The following DAB1 variants were observed in gnomAD, a reference collection of about 807,000 sequenced individuals.
DAB1 encodes DAB adaptor protein 1.
A neutral mutation model predicts 64.6 loss-of-function variants in DAB1; 15 were observed. That is an observed-to-expected ratio of 0.23 (90% CI 0.16 to 0.36). The LOEUF is 0.36. Ranked by LOEUF, DAB1 falls within the 10% of genes least tolerant of loss-of-function variation. The probability of loss-of-function intolerance (pLI) is 1.00; values close to 1 mark genes in which losing one functional copy is unlikely to be tolerated. For missense variants in DAB1, 596 were observed against 706.7 expected (o/e 0.84, Z 1.78); for synonymous variants, 235 against 251.9 (o/e 0.93, Z 0.64).
intron 4 of DAB1, among the ~76,000 whole-genome samples, chr1:57,093,880 G>A (rs957922425): frequency 9.2e-5 from 14 of 152,230 alleles, no homozygotes; most frequent in African/African-American, 1.2e-4. Context: ...TTGGGAGGCC[G>A]AGGTGGGCCA....
intron 7 of DAB1, among the ~76,000 whole-genome samples, chr1:57,637,537 A>C (rs1646071978): frequency 6.6e-6 from 1 of 152,196 alleles, no homozygotes; most frequent in South Asian, 2.1e-4. Flanking sequence ...CTGAAAGCAC[A>C]GCTTGGTATG....
At chr1:57,731,466 A>G (rs1049974659) in intron 6 of DAB1, among the ~76,000 whole-genome samples, 3 of 152,220 alleles carry the variant, frequency 2.0e-5, no homozygotes, top group African/African-American at 7.2e-5. Context: ...ATGTTGTTTT[A>G]TGCTATGTAT....
At chr1:58,504,985 C>T (rs557479354) in intron 3 of DAB1, among the ~76,000 whole-genome samples, 77 of 151,962 alleles carry the variant, frequency 5.1e-4, no homozygotes, top group African/African-American at 1.7e-3. Flanking sequence ...GACAGAGTCT[C>T]ACCCTGTCGC....
intron 1 of DAB1, among the ~76,000 whole-genome samples, chr1:57,408,847 A>G (rs1683869902): frequency 6.6e-6 from 1 of 151,966 alleles, no homozygotes. Flanking sequence ...CCCCTGCTCC[A>G]TGGAGTGTTG....
chr1:57,060,884 G>T (rs1650317671), intron 9 of DAB1, among the ~76,000 whole-genome samples: 2 of 151,926 alleles, frequency 1.3e-5, no homozygotes, highest in South Asian at 4.2e-4. Flanking sequence ...AGATGGTGTG[G>T]CCAGAATCAT....
intron 2 of DAB1, among the ~76,000 whole-genome samples, chr1:57,196,365 G>T (rs908245296): frequency 6.6e-6 from 1 of 152,166 alleles, no homozygotes; most frequent in Admixed American, 6.5e-5. Context: ...GGCTGCCAAG[G>T]CACTTTCTTG....
In DAB1 at chr1:57,365,025, T is replaced by C. The variant is rs1036180331; in HGVS notation, c.-137+58905A>G. Among the ~76,000 whole-genome samples, 4 of 147,216 alleles carry C rather than the reference T, an allele frequency of 2.7e-5. No homozygotes were observed. The Admixed American group carries it at 2.8e-4, about 10-fold the overall frequency. On this transcript the variant is annotated intron_variant, in intron 1 of 14. Transcript: ENST00000371236. ...CTTGAGAAATGGGCACTGGGATTTT[T>C]ATTATTATTGTTCATAAATCATCCA...
chr1:57,270,129 A>G (rs1481307896), intron 2 of DAB1, among the ~76,000 whole-genome samples: 1 of 152,054 alleles, frequency 6.6e-6, no homozygotes, highest in Non-Finnish European at 1.5e-5. Flanking sequence ...CTCTCCAAAC[A>G]TGCCCTCTTC....
chr1:58,511,106 T>C (rs1013713244), intron 2 of DAB1, among the ~76,000 whole-genome samples: 5 of 152,152 alleles, frequency 3.3e-5, no homozygotes, highest in Non-Finnish European at 1.5e-5. Context: ...GGCACTTTTC[T>C]TATAGAAACA....
upstream of DAB1, among the ~76,000 whole-genome samples, chr1:57,884,948 T>C (rs2101974352): frequency 6.6e-6 from 1 of 152,298 alleles, no homozygotes; most frequent in East Asian, 1.9e-4. Context: ...CCCTCTCCCC[T>C]TCCACCATGA....
intron 4 of DAB1, among the ~76,000 whole-genome samples, chr1:58,321,470 G>A (rs1662680857): frequency 6.6e-6 from 1 of 152,254 alleles, no homozygotes; most frequent in African/African-American, 2.4e-5. Context: ...CACCTCACCT[G>A]GGAAGTGCAA....
chr1:58,296,769 C>A (rs181990216), intron 4 of DAB1, among the ~76,000 whole-genome samples: 12 of 152,220 alleles, frequency 7.9e-5, no homozygotes, highest in Admixed American at 7.8e-4. Context: ...TGATTAAAAA[C>A]CCAGGGTGGA....
At chr1:58,544,273 T>C (rs1212034393) in intron 1 of DAB1, among the ~76,000 whole-genome samples, 1 of 152,206 alleles carries the variant, frequency 6.6e-6, no homozygotes. Context: ...TATTCATTCA[T>C]TCTGAAAATG....
intron 7 of DAB1, among the ~76,000 whole-genome samples, chr1:57,528,145 AG>A (rs1412683337): frequency 3.3e-5 from 5 of 152,134 alleles, no homozygotes. Context: ...CAATCAGCAA[AG>A]AAATGGGGAA....
At chr1:58,205,312 A>C (rs764627552) in intron 4 of DAB1, among the ~76,000 whole-genome samples, 15 of 152,100 alleles carry the variant, frequency 9.9e-5, no homozygotes, top group Non-Finnish European at 1.6e-4. Flanking sequence ...GTGTTATTTT[A>C]ATTCATTCCC....
chr1:58,016,711 G>C (rs758142453), intron 5 of DAB1, among the ~76,000 whole-genome samples: 1 of 152,104 alleles, frequency 6.6e-6, no homozygotes, highest in Admixed American at 6.5e-5. Context: ...CAGCCACTAT[G>C]TTCTGTCAAT....
chr1:58,501,001 A>G (rs1410963768), intron 3 of DAB1, among the ~76,000 whole-genome samples: 1 of 152,242 alleles, frequency 6.6e-6, no homozygotes, highest in Non-Finnish European at 1.5e-5. Context: ...ATACTATTAA[A>G]CATCAACAAA....
intron 2 of DAB1, among the ~76,000 whole-genome samples, chr1:57,207,923 T>A (rs926983970): frequency 6.6e-6 from 1 of 152,202 alleles, no homozygotes; most frequent in Non-Finnish European, 1.5e-5. Context: ...ATAAAAAGTG[T>A]CTATGAAGAT....
intron 14 of DAB1, among the ~76,000 whole-genome samples, chr1:57,003,942 C>T (rs1026801982): frequency 9.9e-5 from 15 of 152,166 alleles, no homozygotes; most frequent in African/African-American, 3.6e-4. Flanking sequence ...CTCTGATCTG[C>T]TTTTGATTGC....
Sources: allele counts gnomAD v4.1 joint callset (sites outside exome capture counted in the v4.1 genomes callset), GRCh38; gene constraint gnomAD v4.1.1; transcripts MANE v1.5; gene names NCBI Gene and HGNC (gene_info 2026-07-23, HGNC 2026-07-21).